Variants in NEK10 observed in about 807,000 individuals in gnomAD.
The protein encoded by NEK10 is NIMA related kinase 10.
NEK10 carries 122 observed loss-of-function variants against 159.8 expected under a neutral mutation model. The observed-to-expected ratio is 0.76, with a 90% CI of 0.66 to 0.89. The LOEUF (loss-of-function observed/expected upper bound fraction) is 0.89, where lower values mean the gene tolerates loss of function less well. Among genes scored for constraint, NEK10 ranks in the 40% least tolerant of loss-of-function variants. The pLI is 0.00. For missense variants in NEK10, 1,342 were observed against 1,323.1 expected, an observed-to-expected ratio of 1.01 and a Z score of -0.22; for synonymous variants, 466 against 457.1, an observed-to-expected ratio of 1.02 and a Z score of -0.25.
intron 26 of NEK10, among the ~76,000 whole-genome samples, chr3:27,180,124 G>T (rs1248390867): frequency 6.6e-6 from 1 of 152,002 alleles, no homozygotes; most frequent in Non-Finnish European, 1.5e-5. Flanking sequence ...GCCAGGCATG[G>T]TGGCTCATGC....
intron 22 of NEK10, among the ~76,000 whole-genome samples, chr3:27,257,853 A>G (rs933394086): frequency 1.3e-5 from 2 of 149,542 alleles, no homozygotes; most frequent in Non-Finnish European, 3.0e-5. Flanking sequence ...CAGTGGCGCA[A>G]TCTCGGCTTA....
In NEK10 at chr3:27,339,265, C is replaced by G. The variant is rs528187525; in HGVS notation, c.362+5007G>C. On this transcript the variant is annotated intron_variant, in intron 5 of 35. Transcript: ENST00000691995. ...TTAATCAGGAAGTCCTTGTCCATGCCTATAAATGGGAGAAAATTTTTGCAA... is the reference window on the plus strand; with the variant it reads ...TTAATCAGGAAGTCCTTGTCCATGCGTATAAATGGGAGAAAATTTTTGCAA... Among the ~76,000 whole-genome samples the G allele has an allele frequency of 1.1e-4, 16 of 151,452 alleles. 1 individual carries two copies. Among genetic ancestry groups the G allele is most frequent in the Middle Eastern group, 3.4e-3 (1 of 294 alleles).
At chr3:27,204,787 T>C (rs1206668578) in intron 23 of NEK10, among the ~76,000 whole-genome samples, 5 of 143,756 alleles carry the variant, frequency 3.5e-5, no homozygotes, top group African/African-American at 1.0e-4. Flanking sequence ...CATGTGTCTT[T>C]ATAGCAGCAT....
In NEK10 at chr3:27,322,145, G is replaced by GT. The variant is rs1491319329; in HGVS notation, c.447+31dup. 6 of 918,260 alleles carry GT rather than the reference G, an allele frequency of 6.5e-6. No individual in the cohort carries two copies. The East Asian group carries it at 1.6e-4, about 24-fold the overall frequency. 56.9% of individuals were successfully genotyped at this position (918,260 alleles called of 1,614,324 possible). ...GTCTTTTATTACAACTTTATAACAA[G>GT]TAAAAAAAAAAATTGTATTTTTCCA... is the stretch of plus-strand genomic sequence containing the variant. On this transcript the variant is annotated intron_variant, in intron 6 of 35. Transcript: ENST00000691995.
intron 22 of NEK10, among the ~76,000 whole-genome samples, chr3:27,257,788 CTTTTTT>C (rs79727702): frequency 7.7e-6 from 1 of 130,514 alleles, no homozygotes; most frequent in African/African-American, 3.0e-5. Flanking sequence ...TTTCTTTTTT[CTTTTTT>C]TTTTTTTTTT....
intron 30 of NEK10, among the ~76,000 whole-genome samples, chr3:27,153,902 A>G (rs1298231864): frequency 1.3e-5 from 2 of 152,240 alleles, no homozygotes; most frequent in East Asian, 1.9e-4. Flanking sequence ...AAGGAACTAT[A>G]GAAACAAGAA....
intron 22 of NEK10, among the ~76,000 whole-genome samples, chr3:27,261,000 T>C (rs534600853): frequency 6.6e-6 from 1 of 152,330 alleles, no homozygotes; most frequent in African/African-American, 2.4e-5. Flanking sequence ...TTTTCTAGTT[T>C]ATTTGCGTAG....
chr3:27,223,963 G>C (rs1952378173), intron 23 of NEK10, among the ~76,000 whole-genome samples: 1 of 152,212 alleles, frequency 6.6e-6, no homozygotes, highest in South Asian at 2.1e-4. Context: ...CCCCTGAAAA[G>C]ATATGTTGAA....
At chr3:27,208,857 C>A (rs377001048) in intron 23 of NEK10, among the ~76,000 whole-genome samples, 1 of 152,296 alleles carries the variant, frequency 6.6e-6, no homozygotes, top group East Asian at 1.9e-4. Context: ...ATAAGCCTGG[C>A]ATCACGGAAA....
At chr3:27,194,082 G>T (rs1239844436) in intron 25 of NEK10, 1 of 150,878 alleles carries the variant, frequency 6.6e-6, no homozygotes, top group African/African-American at 2.4e-5. Flanking sequence ...GGATAGTCTC[G>T]TTGCTCTGAA....
At chr3:27,345,643 C>T (rs2047499213) in intron 4 of NEK10, among the ~76,000 whole-genome samples, 1 of 152,222 alleles carries the variant, frequency 6.6e-6, no homozygotes, top group Non-Finnish European at 1.5e-5. Context: ...TTACCTGACA[C>T]TTTCAATGTT....
At chr3:27,168,823 T>A (rs1034926984) in intron 29 of NEK10, among the ~76,000 whole-genome samples, 27 of 152,350 alleles carry the variant, frequency 1.8e-4, no homozygotes, top group African/African-American at 6.3e-4. Flanking sequence ...TATGGGCCAC[T>A]TTCCATATCC....
chr3:27,358,701 G>A (rs891575861), intron 1 of NEK10, among the ~76,000 whole-genome samples: 6 of 152,114 alleles, frequency 3.9e-5, no homozygotes, highest in East Asian at 3.8e-4. Context: ...CCAGAAACCC[G>A]TTTTTATTCC....
intron 5 of NEK10, among the ~76,000 whole-genome samples, chr3:27,327,441 C>A (rs1025062689): frequency 2.0e-5 from 3 of 152,286 alleles, no homozygotes; most frequent in Middle Eastern, 3.4e-3. Flanking sequence ...TGATCAGCTC[C>A]TGCCACCCCT....
chr3:27,139,788 T>A (rs911760154), intron 31 of NEK10, among the ~76,000 whole-genome samples: 1 of 152,194 alleles, frequency 6.6e-6, no homozygotes, highest in Non-Finnish European at 1.5e-5. Flanking sequence ...ACGGGCTCAT[T>A]GGGGTAGATT....
At chr3:27,119,082 G>T (rs1940917527) in intron 33 of NEK10, among the ~76,000 whole-genome samples, 1 of 152,210 alleles carries the variant, frequency 6.6e-6, no homozygotes, top group East Asian at 1.9e-4. Flanking sequence ...ATTCAGATAT[G>T]ACAAGAAGAG....
intron 29 of NEK10, among the ~76,000 whole-genome samples, chr3:27,169,328 A>G (rs1946748296): frequency 6.6e-6 from 1 of 152,188 alleles, no homozygotes; most frequent in Admixed American, 6.5e-5. Context: ...TCCAGTCCCC[A>G]CAAACACCCA....
chr3:27,295,686 T>C lies in NEK10; in HGVS notation c.1235A>G (p.Asn412Ser). The change falls in exon 15 of 36, where the codon AAT becomes AGT. Residue 412 changes from asparagine to serine, a missense_variant. Physicochemically the swap from Asn to Ser is conservative, Grantham distance 46. Coordinates refer to ENST00000691995, the MANE Select transcript of NEK10 (RefSeq NM_001394966.1). ...TAATTTTGCTATTGTATATACACCA[T>C]TTTCCTGAAAGAATAAAGGGGTCAT... ...DTNAHQVVQENGVYTIAKLIL... is the reference protein window; with the variant it reads ...DTNAHQVVQESGVYTIAKLIL... The C allele has an allele frequency of 1.9e-6, 3 of 1,563,822 alleles. No individual in the cohort carries two copies. Among genetic ancestry groups the C allele is most frequent in the Non-Finnish European group, 2.6e-6 (3 of 1,151,956 alleles).
chr3:27,218,601 T>C (rs1296027270), intron 23 of NEK10, among the ~76,000 whole-genome samples: 1 of 104,076 alleles, frequency 9.6e-6, no homozygotes, highest in Non-Finnish European at 1.8e-5. Context: ...CAAGTCTCCA[T>C]CTCAAAAAAA....
Sources: allele counts gnomAD v4.1 joint callset (sites outside exome capture counted in the v4.1 genomes callset), GRCh38; gene constraint gnomAD v4.1.1; transcripts MANE v1.5; gene names NCBI Gene and HGNC (gene_info 2026-07-23, HGNC 2026-07-21).